Variants in NRXN3 observed in about 807,000 individuals in gnomAD.
The protein encoded by NRXN3 is neurexin III.
NRXN3 carries 32 observed loss-of-function variants against 137.6 expected under a neutral mutation model. The ratio of observed to expected loss-of-function variants is 0.23; its 90% confidence interval spans 0.18 to 0.31. The LOEUF is 0.31. Among genes scored for constraint, NRXN3 ranks in the 10% least tolerant of loss-of-function variants. The probability of loss-of-function intolerance (pLI) is 1.00; values close to 1 mark genes in which losing one functional copy is unlikely to be tolerated. For missense variants in NRXN3, 1,574 were observed against 2,062.5 expected (o/e 0.76, Z 4.59); for synonymous variants, 798 against 784.5 (o/e 1.02, Z -0.29).
intron 15 of NRXN3, among the ~76,000 whole-genome samples, chr14:79,014,557 A>G (rs1178098333): frequency 1.3e-5 from 2 of 152,182 alleles, no homozygotes; most frequent in South Asian, 2.1e-4. Context: ...TAGTGCTGCA[A>G]TGAATGTATG....
At chr14:79,091,162 T>G (rs1329035783) in intron 15 of NRXN3, among the ~76,000 whole-genome samples, 3 of 150,650 alleles carry the variant, frequency 2.0e-5, no homozygotes, top group African/African-American at 2.5e-5. Context: ...TCTTGATCAA[T>G]TTCATTTTTT....
intron 15 of NRXN3, among the ~76,000 whole-genome samples, chr14:79,337,583 A>G (rs111814927): frequency 0.015 from 2,240 of 152,312 alleles, 46 homozygotes; most frequent in African/African-American, 0.05. Flanking sequence ...ATGTGTTATA[A>G]TGGAATGATG....
intron 5 of NRXN3, among the ~76,000 whole-genome samples, chr14:78,645,663 T>A (rs916076565): frequency 6.6e-6 from 1 of 152,142 alleles, no homozygotes; most frequent in South Asian, 2.1e-4. Context: ...AACTCAGTTG[T>A]ATAGATAATA....
chr14:79,545,282 C>T (rs759452437), intron 16 of NRXN3, among the ~76,000 whole-genome samples: 3 of 152,192 alleles, frequency 2.0e-5, no homozygotes, highest in Non-Finnish European at 2.9e-5. Flanking sequence ...CAAATCCCTT[C>T]TTGGGGCCTC....
At chr14:78,615,389 A>G (rs1455555173) in intron 4 of NRXN3, among the ~76,000 whole-genome samples, 10 of 149,450 alleles carry the variant, frequency 6.7e-5, no homozygotes, top group African/African-American at 2.5e-4. Context: ...TCACGAGTTC[A>G]GGAGATCGAA....
intron 15 of NRXN3, among the ~76,000 whole-genome samples, chr14:79,261,829 G>A (rs1456007511): frequency 6.6e-6 from 1 of 152,112 alleles, no homozygotes; most frequent in Non-Finnish European, 1.5e-5. Context: ...GGATGGGAGA[G>A]GGTACCGAGG....
chr14:78,529,557 C>T (rs2096431490), intron 4 of NRXN3, among the ~76,000 whole-genome samples: 1 of 152,212 alleles, frequency 6.6e-6, no homozygotes, highest in South Asian at 2.1e-4. Flanking sequence ...TTCTACCTAT[C>T]CATAGAACCT....
chr14:79,378,030 A>G (rs1040349993), intron 15 of NRXN3, among the ~76,000 whole-genome samples: 3 of 152,132 alleles, frequency 2.0e-5, no homozygotes, highest in African/African-American at 7.2e-5. Context: ...AAAAGGTTAA[A>G]CACTTGTCAT....
chr14:79,655,228 G>A (rs1028561429), intron 16 of NRXN3, among the ~76,000 whole-genome samples: 1 of 152,196 alleles, frequency 6.6e-6, no homozygotes, highest in Non-Finnish European at 1.5e-5. Context: ...CAGTCAGTAG[G>A]GAACAGGGTT....
At chr14:78,901,763 C>T (rs941525586) in intron 10 of NRXN3, among the ~76,000 whole-genome samples, 6 of 152,046 alleles carry the variant, frequency 3.9e-5, no homozygotes, top group African/African-American at 9.7e-5. Context: ...TGTCTGGGTT[C>T]GAGTTACTTG....
At chr14:79,628,428 C>T (rs1321540239) in intron 16 of NRXN3, among the ~76,000 whole-genome samples, 1 of 152,146 alleles carries the variant, frequency 6.6e-6, no homozygotes, top group Non-Finnish European at 1.5e-5. Context: ...ACCTGTGTCT[C>T]TAGGTGACAT....
intron 17 of NRXN3, among the ~76,000 whole-genome samples, chr14:79,679,288 G>A (rs2098657376): frequency 6.6e-6 from 1 of 151,994 alleles, no homozygotes; most frequent in Admixed American, 6.6e-5. Context: ...TTGCCTTTGT[G>A]CTAGCATGTA....
At chr14:79,680,991 C>T (rs1432823326) in intron 17 of NRXN3, among the ~76,000 whole-genome samples, 2 of 152,196 alleles carry the variant, frequency 1.3e-5, no homozygotes, top group Non-Finnish European at 2.9e-5. Flanking sequence ...AGAGAAGCAT[C>T]AACACATGCA....
chr14:79,575,327 G>A (rs1424543057), intron 16 of NRXN3, among the ~76,000 whole-genome samples: 8 of 152,254 alleles, frequency 5.3e-5, no homozygotes, highest in East Asian at 1.9e-4. Flanking sequence ...AGACGGAAGC[G>A]TGGTAAGGAG....
intron 15 of NRXN3, among the ~76,000 whole-genome samples, chr14:79,389,182 C>G (rs1393601308): frequency 6.6e-6 from 1 of 152,154 alleles, no homozygotes; most frequent in African/African-American, 2.4e-5. Context: ...GCTGCTATAA[C>G]AGAATACCTG....
At chr14:78,868,354 T>A (rs193001143) in intron 10 of NRXN3, among the ~76,000 whole-genome samples, 1 of 152,270 alleles carries the variant, frequency 6.6e-6, no homozygotes, top group East Asian at 1.9e-4. Context: ...ATCTTTAAAA[T>A]TCTTAGTTGA....
chr14:79,190,589 G>A (rs1032055408), intron 15 of NRXN3, among the ~76,000 whole-genome samples: 18 of 152,196 alleles, frequency 1.2e-4, no homozygotes, highest in African/African-American at 4.8e-5. Context: ...GTGTCCAAAC[G>A]CCAATAATGT....
intron 15 of NRXN3, among the ~76,000 whole-genome samples, chr14:79,205,690 A>G (rs1208925380): frequency 6.6e-6 from 1 of 152,200 alleles, no homozygotes; most frequent in Non-Finnish European, 1.5e-5. Context: ...ACACTCTATC[A>G]AGTCAGAAAT....
intron 17 of NRXN3, among the ~76,000 whole-genome samples, chr14:79,687,888 TG>T (rs1044113446): frequency 6.6e-6 from 1 of 152,188 alleles, no homozygotes; most frequent in African/African-American, 2.4e-5. Flanking sequence ...AAATCCACTT[TG>T]TTTTGGAAAT....
Sources: allele counts gnomAD v4.1 joint callset (sites outside exome capture counted in the v4.1 genomes callset), GRCh38; gene constraint gnomAD v4.1.1; transcripts MANE v1.5; gene names NCBI Gene and HGNC (gene_info 2026-07-23, HGNC 2026-07-21).